RBM19: variants seen among roughly 807,000 people sequenced by gnomAD.
The protein encoded by RBM19 is probable RNA-binding protein 19.
In RBM19, 94 loss-of-function variants were observed where a neutral mutation model predicts 116.8. The ratio of observed to expected loss-of-function variants is 0.80; its 90% CI spans 0.68 to 0.95. The LOEUF is 0.95. Ranked by LOEUF, RBM19 falls within the 40% of genes least tolerant of loss-of-function variation. The probability of loss-of-function intolerance (pLI) is 0.00; values close to 1 mark genes in which losing one functional copy is unlikely to be tolerated. For missense variants in RBM19, 1,161 were observed against 1,220.7 expected (o/e 0.95, Z 0.73); for synonymous variants, 475 against 494.1 (o/e 0.96, Z 0.51).
intron 22 of RBM19, among the ~76,000 whole-genome samples, chr12:113,849,658 G>A (rs935952939): frequency 6.6e-6 from 1 of 152,172 alleles, no homozygotes; most frequent in African/African-American, 2.4e-5. Context: ...TCGAGAGATC[G>A]CATGTCAGAC....
intron 23 of RBM19, among the ~76,000 whole-genome samples, chr12:113,833,304 C>T (rs1159838841): frequency 2.0e-5 from 3 of 152,262 alleles, no homozygotes; most frequent in Non-Finnish European, 4.4e-5. Flanking sequence ...CTCAATCCAC[C>T]TGCTTCCCCA....
chr12:113,936,173 T>A (rs1242875465), intron 16 of RBM19, among the ~76,000 whole-genome samples: 8 of 151,640 alleles, frequency 5.3e-5, no homozygotes, highest in African/African-American at 1.9e-4. Context: ...TTATTTTTTT[T>A]AACATCCTTA....
At chr12:113,818,592 A>C (rs976896545), downstream of RBM19, among the ~76,000 whole-genome samples, 1 of 152,240 alleles carries the variant, frequency 6.6e-6, no homozygotes, top group Non-Finnish European at 1.5e-5. Context: ...ACCATTACTA[A>C]GTACTCACTA....
intron 23 of RBM19, among the ~76,000 whole-genome samples, chr12:113,838,359 A>G (rs1876146228): frequency 6.6e-6 from 1 of 152,222 alleles, no homozygotes. Flanking sequence ...CCATGGGGAG[A>G]GCATGCAAAC....
intron 23 of RBM19, among the ~76,000 whole-genome samples, chr12:113,824,113 A>G (rs1301094428): frequency 1.3e-5 from 2 of 152,172 alleles, no homozygotes; most frequent in Non-Finnish European, 2.9e-5. Context: ...GCTTAGCCCC[A>G]CAAGCACCTC....
intron 21 of RBM19, among the ~76,000 whole-genome samples, chr12:113,907,132 T>A (rs936371912): frequency 6.7e-6 from 1 of 150,256 alleles, no homozygotes; most frequent in African/African-American, 2.5e-5. Context: ...GTCTGCTGTT[T>A]AAGACCCCCA....
At chr12:113,944,366 C>T (rs929115581) in intron 13 of RBM19, among the ~76,000 whole-genome samples, 1 of 151,618 alleles carries the variant, frequency 6.6e-6, no homozygotes. Context: ...CCAAAGAGCT[C>T]GGTTTATAGG....
intron 23 of RBM19, among the ~76,000 whole-genome samples, chr12:113,839,826 G>A (rs1876307307): frequency 6.6e-6 from 1 of 152,232 alleles, no homozygotes; most frequent in Admixed American, 6.5e-5. Context: ...CAGCCAGAAT[G>A]CGGAATCCAG....
At chr12:113,932,423 C>T (rs1869686247) in intron 16 of RBM19, 1 of 152,268 alleles carries the variant, frequency 6.6e-6, no homozygotes, top group Admixed American at 6.5e-5. Context: ...TTGGAAATCC[C>T]TAACCCTGGG....
In RBM19 at chr12:113,903,004, GA is replaced by G. The variant is rs1156935719; in HGVS notation, c.2558+11964del. 3.3e-5 allele frequency among the ~76,000 whole-genome samples: 5 copies of G among 152,142 alleles called. No individual in the cohort carries two copies. The highest frequency in any genetic ancestry group is 6.6e-5 in the Admixed American group (1 of 15,262). ...GCAACCCTTGCCACAGCCAATTTTAGAAGATTTTCATTACCTCACACAGAAG... is the reference window on the plus strand; with the variant it reads ...GCAACCCTTGCCACAGCCAATTTTAGAGATTTTCATTACCTCACACAGAAG... On this transcript the variant is annotated intron_variant, in intron 21 of 23. Transcript: ENST00000261741. The surrounding 1 kb of genome is among the most constrained non-coding windows in gnomAD (Gnocchi z 5.1).
chr12:113,855,581 G>A (rs1039632780), intron 22 of RBM19, among the ~76,000 whole-genome samples: 1 of 152,150 alleles, frequency 6.6e-6, no homozygotes, highest in South Asian at 2.1e-4. Flanking sequence ...CTGAGCCCTG[G>A]GAAGGGTTTT....
At chr12:113,941,609 CCAA>C in intron 14 of RBM19, among the ~76,000 whole-genome samples, 1 of 70,000 alleles carries the variant, frequency 1.4e-5, no homozygotes, top group South Asian at 6.7e-4. Flanking sequence ...ATCCATCCAT[CCAA>C]CCATCAAGCC....
At chr12:113,836,538 G>T (rs1418968707) in intron 23 of RBM19, among the ~76,000 whole-genome samples, 2 of 152,092 alleles carry the variant, frequency 1.3e-5, no homozygotes, top group Non-Finnish European at 2.9e-5. Context: ...TCTTTTGTCT[G>T]CCAGTAAGGA....
At chr12:113,820,245 TAAA>T (rs10667485), downstream of RBM19, among the ~76,000 whole-genome samples, 1 of 140,054 alleles carries the variant, frequency 7.1e-6, no homozygotes, top group Non-Finnish European at 1.5e-5. Flanking sequence ...ACTGATGAAC[TAAA>T]AAAAAAAAAA....
chr12:113,921,091 C>T (rs772759428), intron 18 of RBM19, among the ~76,000 whole-genome samples: 1 of 152,178 alleles, frequency 6.6e-6, no homozygotes, highest in Non-Finnish European at 1.5e-5. Flanking sequence ...GTCAAACGCA[C>T]CAAAGGCTTG....
rs2290787 is a variant in RBM19, at chr12:113,937,082, T to C, written c.1993A>G (p.Thr665Ala). The part of the protein sequence containing the change: ...EWAPVGVFSS[T>A]APQKKKLQDT... ...TGGAGCTTTTTCTTCTGTGGGGCTG[T>C]GCTGGAGAAGACGCCAACTGGAGCC... Residue 665 changes from threonine to alanine, a missense_variant, in exon 16 of 24, where the codon ACA becomes GCA. Transcript: ENST00000261741. 167,627 of 1,613,874 alleles carry C rather than the reference T, an allele frequency of 0.1. 9,351 individuals are homozygous for C. The highest frequency in any genetic ancestry group is 0.16 in the South Asian group (14,550 of 91,072).
intron 16 of RBM19, among the ~76,000 whole-genome samples, chr12:113,936,422 C>G (rs73399039): frequency 0.16 from 24,265 of 152,170 alleles, 2,567 homozygotes; most frequent in African/African-American, 0.3. Flanking sequence ...TGGGGGCACT[C>G]GTGACACTCA....
intron 21 of RBM19, among the ~76,000 whole-genome samples, chr12:113,861,574 G>A (rs1424147708): frequency 6.6e-6 from 1 of 151,854 alleles, no homozygotes; most frequent in African/African-American, 2.4e-5. Context: ...GAGAGAAAGA[G>A]AGAGAGAGAG....
intron 22 of RBM19, among the ~76,000 whole-genome samples, chr12:113,851,316 A>G (rs183021334): frequency 1.3e-5 from 2 of 152,340 alleles, no homozygotes; most frequent in African/African-American, 4.8e-5. Context: ...TAGCTCGCTC[A>G]GCTCAGTGCG....
Sources: allele counts gnomAD v4.1 joint callset (sites outside exome capture counted in the v4.1 genomes callset), GRCh38; gene constraint gnomAD v4.1.1; non-coding constraint Gnocchi (gnomAD v3.1); transcripts MANE v1.5; gene names NCBI Gene and HGNC (gene_info 2026-07-23, HGNC 2026-07-21).